The following SETD4 variants were observed in gnomAD, a reference collection of about 807,000 sequenced individuals.
SETD4 encodes the protein SET domain-containing protein 4.
In SETD4, 46 loss-of-function variants were observed where a neutral mutation model predicts 58.3. That is an observed-to-expected ratio of 0.79 (90% CI 0.62 to 1.01). The LOEUF is 1.01. SETD4 is among the 50% of genes least tolerant of loss of function. The pLI is 0.00. For missense variants in SETD4, 490 were observed against 523.3 expected, an observed-to-expected ratio of 0.94 and a Z score of 0.62; for synonymous variants, 190 against 202.6, an observed-to-expected ratio of 0.94 and a Z score of 0.53.
At chr21:36,054,404 A>G (rs977549274) in intron 3 of SETD4, among the ~76,000 whole-genome samples, 2 of 152,230 alleles carry the variant, frequency 1.3e-5, no homozygotes, top group Non-Finnish European at 2.9e-5. Flanking sequence ...TAGGTATTAC[A>G]TGGTCATAAG....
intron 2 of SETD4, among the ~76,000 whole-genome samples, chr21:36,057,913 G>A (rs552221528): frequency 4.8e-4 from 73 of 152,264 alleles, no homozygotes; most frequent in Non-Finnish European, 7.6e-4. Context: ...TGAGCTTATC[G>A]ATATCTTGTA....
At position 36,035,444 on chromosome 21, in the gene SETD4, A is replaced by C. The variant is rs1393856548; in HGVS notation, c.*549T>G. The C allele has an allele frequency of 6.6e-5, 10 of 152,506 alleles. No homozygotes were observed. The allele number at this position is 152,506 out of a possible 1,614,324, so 9.4% of individuals were successfully genotyped here. On this transcript the variant is annotated 3_prime_UTR_variant, in exon 12 of 12. Coordinates refer to ENST00000332131, the MANE Select transcript of SETD4 (RefSeq NM_017438.5). ...GCTAGTCATTCTTCCCAAGTGAATA[A>C]TTAGACAAGCGCCACCTTGAGAGGC...
At chr21:36,060,302 T>G in intron 1 of SETD4, 45 bp downstream of exon 1, 3 of 276,108 alleles carry the variant, frequency 1.1e-5, no homozygotes, top group Non-Finnish European at 1.7e-5. Flanking sequence ...CTGCTCCCGT[T>G]ACCCGGGCAA....
Position 36,038,214 on chromosome 21 carries a change from C to T in SETD4, c.1124G>A (p.Ser375Asn), listed in dbSNP as rs764853126. Reference sequence around the variant, plus strand: ...GCATATTTTCTGGGCTATGTCCAAACTTGTCTTCTCATTCGTATCTGAAAT... The same window carrying T: ...GCATATTTTCTGGGCTATGTCCAAATTTGTCTTCTCATTCGTATCTGAAAT... ...EVISDTNEKT[S>N]LDIAQKICYY... Residue 375 changes from serine (S) to asparagine (N), a missense_variant, in exon 10 of 12, where the codon AGT (serine) becomes AAT (asparagine). Transcript: ENST00000332131. 4.3e-6 allele frequency: 7 copies of T among 1,614,004 alleles called. No individual in the cohort carries two copies. Among genetic ancestry groups the T allele is most frequent in the Non-Finnish European group, 1.7e-6 (2 of 1,180,012 alleles).
intron 6 of SETD4, among the ~76,000 whole-genome samples, chr21:36,044,401 T>A (rs935212403): frequency 1.3e-5 from 2 of 152,244 alleles, no homozygotes; most frequent in Non-Finnish European, 2.9e-5. Context: ...TCAGGGCTCT[T>A]GGGCCACACG....
In SETD4 at chr21:36,036,191, A is replaced by C. The variant is rs1203010832; in HGVS notation, c.1249T>G (p.Leu417Val). Residue 417 changes from leucine to valine, a missense_variant, in exon 11 of 12, where the codon TTG (leucine) becomes GTG (valine). Physicochemically the swap from Leu to Val is conservative, Grantham distance 32 (BLOSUM62 1). Transcript: ENST00000332131. ...LINQLTLVESLWTEELKILRA... is the reference protein window; with the variant it reads ...LINQLTLVESVWTEELKILRA... ...AGAATCTTTAGCTCTTCCGTCCACA[A>C]GGATTCCACCAAAGTTAGTTGGTTT... 6.2e-7 allele frequency: 1 copy of C among 1,613,842 alleles called. No individual in the cohort carries two copies. The highest frequency in any genetic ancestry group is 8.5e-7 in the Non-Finnish European group (1 of 1,179,938).
At chr21:36,037,541 G>A (rs2063835933) in intron 10 of SETD4, among the ~76,000 whole-genome samples, 1 of 146,660 alleles carries the variant, frequency 6.8e-6, no homozygotes, top group Non-Finnish European at 1.5e-5. Context: ...GGAGGCGGAG[G>A]TTGCAGTAAG....
At position 36,058,906 on chromosome 21, in the gene SETD4, T is replaced by C; in HGVS notation, c.-18A>G. ...TTCTGCATGCTAAAACTGTAGTTTC[T>C]TTTTTCTGAAATACAGTTCTATTTT... On this transcript the variant is annotated 5_prime_UTR_variant, in exon 2 of 12. Transcript: ENST00000332131. The C allele has an allele frequency of 6.3e-7, 1 of 1,574,824 alleles. No individual in the cohort carries two copies. Among genetic ancestry groups the C allele is most frequent in the Non-Finnish European group, 8.6e-7 (1 of 1,165,654 alleles).
chr21:36,056,836 A>T (rs1229085298), intron 3 of SETD4, among the ~76,000 whole-genome samples: 2 of 152,070 alleles, frequency 1.3e-5, no homozygotes, highest in Non-Finnish European at 2.9e-5. Flanking sequence ...GGGATTACAG[A>T]TGTGAGCCAC....
intron 9 of SETD4, among the ~76,000 whole-genome samples, chr21:36,039,095 C>G (rs1198661268): frequency 6.6e-6 from 1 of 152,096 alleles, no homozygotes; most frequent in Non-Finnish European, 1.5e-5. Context: ...TCTCAGAAGG[C>G]TTCAGTTTCA....
At chr21:36,047,144 A>G (rs961811255) in intron 5 of SETD4, among the ~76,000 whole-genome samples, 3 of 152,058 alleles carry the variant, frequency 2.0e-5, no homozygotes, top group Non-Finnish European at 4.4e-5. Flanking sequence ...AATCCCAGCT[A>G]TTTGGGAGGC....
At chr21:36,059,100 G>A (rs895026553) in intron 1 of SETD4, 176 bp from the exon 2 acceptor site, 2 of 653,614 alleles carry the variant, frequency 3.1e-6, no homozygotes, top group Non-Finnish European at 4.6e-6. Context: ...TACATGAAAC[G>A]TTTATACTGT....
chr21:36,054,118 T>A (rs2064860230), intron 3 of SETD4, among the ~76,000 whole-genome samples: 1 of 152,212 alleles, frequency 6.6e-6, no homozygotes, highest in African/African-American at 2.4e-5. Context: ...CTCCCCTCTC[T>A]GATCAGGTAA....
intron 4 of SETD4, among the ~76,000 whole-genome samples, chr21:36,049,101 C>T (rs2064505590): frequency 6.6e-6 from 1 of 152,162 alleles, no homozygotes; most frequent in African/African-American, 2.4e-5. Flanking sequence ...TCGAACTCTA[C>T]CACTTGCAAG....
At chr21:36,044,621 C>G (rs185089757) in intron 6 of SETD4, among the ~76,000 whole-genome samples, 1 of 152,172 alleles carries the variant, frequency 6.6e-6, no homozygotes, top group South Asian at 2.1e-4. Flanking sequence ...CCTTTGCTCC[C>G]GATTATTAAA....
rs1376294968 is a variant in SETD4 at position 36,034,839 on chromosome 21, A to G, written c.*1154T>C. The G allele has an allele frequency of 1.3e-5, 2 of 152,200 alleles. No homozygotes were observed. Among genetic ancestry groups the G allele is most frequent in the African/African-American group, 2.4e-5 (1 of 41,440 alleles). The allele number at this position is 152,200 out of a possible 1,614,324, so 9.4% of individuals were successfully genotyped here. On this transcript the variant is annotated 3_prime_UTR_variant, in exon 12 of 12. Transcript: ENST00000332131. ...CCACAGAAGTCTGCCCACTCTCCAT[A>G]CAGCATATGATGAAATACACTGCAT... is the stretch of plus-strand genomic sequence containing the variant.
At chr21:36,060,221 G>C (rs2065225125) in intron 1 of SETD4, 126 bp downstream of exon 1, 1 of 727,770 alleles carries the variant, frequency 1.4e-6, no homozygotes, top group South Asian at 6.1e-5. Flanking sequence ...TGCCCTGGAG[G>C]GGACCTGCGA....
chr21:36,046,059 A>T (rs756534042), intron 5 of SETD4, 48 bp from the exon 6 acceptor site: 2 of 1,579,402 alleles, frequency 1.3e-6, no homozygotes, highest in South Asian at 1.2e-5. Context: ...GATTCAAAAT[A>T]CGAAATAAGC....
intron 9 of SETD4, among the ~76,000 whole-genome samples, chr21:36,038,907 C>T (rs2063909572): frequency 6.6e-6 from 1 of 151,934 alleles, no homozygotes; most frequent in African/African-American, 2.4e-5. Flanking sequence ...GAGGTGGCAG[C>T]GCCAGACCTA....
Sources: gnomAD v4.1 joint callset for allele counts (sites outside exome capture counted in the v4.1 genomes callset) on GRCh38, gnomAD v4.1.1 for gene constraint, MANE v1.5 for transcripts, NCBI Gene and HGNC (gene_info 2026-07-23, HGNC 2026-07-21) for gene names.